PAX3: variants seen among roughly 807,000 people sequenced by gnomAD.
PAX3 encodes paired box protein Pax-3.
In PAX3, 14 loss-of-function variants were observed where a neutral mutation model predicts 51.6. That is an observed-to-expected ratio of 0.27 (90% CI 0.18 to 0.42). The LOEUF is 0.42. Ranked by LOEUF, PAX3 falls within the 10% of genes least tolerant of loss-of-function variation. The pLI is 1.00. For missense variants in PAX3, 540 were observed against 642.8 expected (o/e 0.84, Z 1.73); for synonymous variants, 280 against 253.4 (o/e 1.11, Z -1.00).
At chr2:222,282,427 G>GAT (rs1694679226) in intron 4 of PAX3, among the ~76,000 whole-genome samples, 1 of 152,042 alleles carries the variant, frequency 6.6e-6, no homozygotes, top group Admixed American at 6.6e-5. Context: ...GATGGGCATG[G>GAT]ATATATACTC....
intron 7 of PAX3, among the ~76,000 whole-genome samples, chr2:222,202,692 C>CT (rs1336319494): frequency 6.5e-4 from 92 of 142,060 alleles, no homozygotes; most frequent in South Asian, 2.9e-3. Context: ...ATCTCTGTGC[C>CT]TTTTTTTTTT....
At chr2:222,293,841 C>T (rs1029186783) in intron 4 of PAX3, 2 of 1,613,234 alleles carry the variant, frequency 1.2e-6, no homozygotes, top group African/African-American at 2.7e-5. Flanking sequence ...GATGCCCAGT[C>T]TCATACATTT....
chr2:222,275,158 A>G (rs897119071), intron 4 of PAX3, among the ~76,000 whole-genome samples: 33 of 152,208 alleles, frequency 2.2e-4, no homozygotes, highest in African/African-American at 8.0e-4. Flanking sequence ...GATAATCACT[A>G]AGAAAAATAG....
intron 3 of PAX3, 116 bp downstream of exon 3, chr2:222,295,412 A>G (rs367972165): frequency 8.0e-6 from 10 of 1,254,246 alleles, no homozygotes; most frequent in East Asian, 4.7e-5. Context: ...GGGCCTCGGG[A>G]GAGGCCACCT....
rs1196234285 is a variant in PAX3 at position 222,267,117 on chromosome 2, A to C, written c.586+27050T>G. On this transcript the variant is annotated intron_variant, in intron 4 of 8. Coordinates refer to ENST00000392070, the MANE Select transcript of PAX3 (RefSeq NM_181458.4). ...AGTTCAAGAAGGTGGGAAAAGTTAA[A>C]ATGGGAGACAAAAAGTAACTCAAAG... is the stretch of plus-strand genomic sequence containing the variant. 2.6e-5 allele frequency among the ~76,000 whole-genome samples: 4 copies of C among 152,212 alleles called. No individual in the cohort carries two copies. The East Asian group carries it at 7.7e-4, about 29-fold the overall frequency.
At chr2:222,241,806 C>T (rs1490759765) in intron 4 of PAX3, among the ~76,000 whole-genome samples, 2 of 152,122 alleles carry the variant, frequency 1.3e-5, no homozygotes, top group Non-Finnish European at 1.5e-5. Context: ...GAACAATGGG[C>T]GTTTTTAATC....
At chr2:222,288,442 C>T (rs1694912500) in intron 4 of PAX3, among the ~76,000 whole-genome samples, 1 of 152,212 alleles carries the variant, frequency 6.6e-6, no homozygotes, top group Admixed American at 6.5e-5. Context: ...ATCTAACCAT[C>T]TATAAACACA....
intron 4 of PAX3, among the ~76,000 whole-genome samples, chr2:222,239,190 A>G (rs368604905): frequency 6.6e-6 from 1 of 152,198 alleles, no homozygotes; most frequent in African/African-American, 2.4e-5. Flanking sequence ...GCTGAGGCCT[A>G]TTCTACCGAT....
intron 4 of PAX3, among the ~76,000 whole-genome samples, chr2:222,275,965 C>A (rs370421451): frequency 5.3e-5 from 8 of 152,266 alleles, no homozygotes; most frequent in African/African-American, 1.9e-4. Context: ...GCCATTAGGG[C>A]GTTAATTTAA....
chr2:222,288,895 A>C (rs868051100), intron 4 of PAX3, among the ~76,000 whole-genome samples: 1 of 152,256 alleles, frequency 6.6e-6, no homozygotes, highest in Non-Finnish European at 1.5e-5. Context: ...TTTGATCTCT[A>C]TGGTTAAGAA....
At chr2:222,277,881 C>G (rs922028744) in intron 4 of PAX3, among the ~76,000 whole-genome samples, 5 of 146,396 alleles carry the variant, frequency 3.4e-5, no homozygotes, top group Admixed American at 2.1e-4. Flanking sequence ...CTGCAGTGAG[C>G]TGAGATCATG....
At chr2:222,284,363 G>A (rs1255078327) in intron 4 of PAX3, among the ~76,000 whole-genome samples, 1 of 152,140 alleles carries the variant, frequency 6.6e-6, no homozygotes, top group East Asian at 1.9e-4. Context: ...AAAAACTTGT[G>A]CCAAATACAA....
At chr2:222,278,157 T>A (rs1694497556) in intron 4 of PAX3, among the ~76,000 whole-genome samples, 2 of 152,112 alleles carry the variant, frequency 1.3e-5, no homozygotes, top group African/African-American at 4.8e-5. Flanking sequence ...CAATCCCAGT[T>A]GTTCCACTGA....
intron 4 of PAX3, among the ~76,000 whole-genome samples, chr2:222,285,797 T>G (rs886799906): frequency 6.6e-6 from 1 of 152,258 alleles, no homozygotes; most frequent in Non-Finnish European, 1.5e-5. Flanking sequence ...ACATTTAAGT[T>G]TTGATAAAAC....
intron 8 of PAX3, chr2:222,201,723 C>A: frequency 6.9e-7 from 1 of 1,459,490 alleles, no homozygotes; most frequent in South Asian, 1.5e-5. Context: ...TCAGGTTTCA[C>A]GTCTCAACAA....
Position 222,201,989 on chromosome 2 carries a change from T to C in PAX3, c.1375A>G (p.Ser459Gly). Residue 459 changes from serine to glycine, a missense_variant, in exon 8 of 9, where the codon AGT (serine) becomes GGT (glycine). Transcript: ENST00000392070. ...TGGTAGCCTGTGACAGGGTCCATAC[T>C]GTAGCCTGTGGTGCTATAGGTGGGT... is the stretch of plus-strand genomic sequence containing the variant. ...CPPTYSTTGY[S>G]MDPVTGYQYG... 6.2e-7 allele frequency: 1 copy of C among 1,614,128 alleles called. No individual in the cohort carries two copies. Among genetic ancestry groups the C allele is most frequent in the Non-Finnish European group, 8.5e-7 (1 of 1,180,004 alleles).
chr2:222,253,773 C>T (rs544426154), intron 4 of PAX3, among the ~76,000 whole-genome samples: 2 of 152,250 alleles, frequency 1.3e-5, no homozygotes, highest in South Asian at 4.2e-4. Flanking sequence ...ACCTCAGCCC[C>T]CTGAGTAGTT....
At chr2:222,238,535 C>T (rs1692885042) in intron 4 of PAX3, among the ~76,000 whole-genome samples, 1 of 152,282 alleles carries the variant, frequency 6.6e-6, no homozygotes, top group Middle Eastern at 3.4e-3. Flanking sequence ...AGAATCAAAA[C>T]ATGACAACCA....
At chr2:222,290,017 A>T (rs1013434391) in intron 4 of PAX3, among the ~76,000 whole-genome samples, 4 of 152,130 alleles carry the variant, frequency 2.6e-5, no homozygotes, top group African/African-American at 4.8e-5. Context: ...CTTATACCCA[A>T]TGATTTTAAT....
Sources: allele counts gnomAD v4.1 joint callset (sites outside exome capture counted in the v4.1 genomes callset), GRCh38; gene constraint gnomAD v4.1.1; transcripts MANE v1.5; gene names NCBI Gene and HGNC (gene_info 2026-07-23, HGNC 2026-07-21).